Variants in CDK14 observed in about 807,000 individuals in gnomAD.
CDK14 encodes cyclin-dependent kinase 14.
Under a neutral mutation model 60.7 loss-of-function variants are expected in CDK14, and 34 were observed. The observed-to-expected ratio is 0.56, with a 90% CI of 0.43 to 0.75. The LOEUF (loss-of-function observed/expected upper bound fraction) is 0.75. CDK14 is among the 30% of genes least tolerant of loss of function. The pLI is 0.00. For synonymous variants in CDK14, 197 were observed against 203.7 expected (o/e 0.97, Z 0.28); for missense variants, 482 against 564.1 (o/e 0.85, Z 1.47).
intron 3 of CDK14, among the ~76,000 whole-genome samples, chr7:90,740,926 G>A (rs1001459810): frequency 3.9e-5 from 6 of 152,042 alleles, no homozygotes; most frequent in African/African-American, 1.4e-4. Flanking sequence ...TTTCTGGGAG[G>A]TTTTCATTTT....
chr7:90,695,502 G>C (rs575291161), intron 2 of CDK14, among the ~76,000 whole-genome samples: 1 of 152,238 alleles, frequency 6.6e-6, no homozygotes, highest in African/African-American at 2.4e-5. Flanking sequence ...GGAGATTTGA[G>C]ATTGAGCAAA....
chr7:90,711,846 A>G (rs1262912408), intron 2 of CDK14, among the ~76,000 whole-genome samples: 1 of 146,538 alleles, frequency 6.8e-6, no homozygotes, highest in Non-Finnish European at 1.5e-5. Context: ...AGTAAAACAG[A>G]TCTAGTCCTG....
intron 11 of CDK14, among the ~76,000 whole-genome samples, chr7:91,056,957 A>T (rs2116085732): frequency 6.6e-6 from 1 of 152,062 alleles, no homozygotes; most frequent in East Asian, 1.9e-4. Flanking sequence ...TGGTATTTCT[A>T]GTTCCAGATC....
At chr7:90,859,650 A>T (rs1790939676) in intron 5 of CDK14, among the ~76,000 whole-genome samples, 1 of 152,164 alleles carries the variant, frequency 6.6e-6, no homozygotes, top group Non-Finnish European at 1.5e-5. Flanking sequence ...CATCCTTCAC[A>T]TATGCATAGC....
chr7:90,803,127 C>G (rs1270141356), intron 5 of CDK14, among the ~76,000 whole-genome samples: 2 of 149,508 alleles, frequency 1.3e-5, no homozygotes, highest in African/African-American at 4.9e-5. Context: ...CTTGCAGTAT[C>G]TAAGATGTCA....
At chr7:91,091,329 A>G (rs1311667645) in intron 12 of CDK14, among the ~76,000 whole-genome samples, 2 of 143,714 alleles carry the variant, frequency 1.4e-5, no homozygotes, top group African/African-American at 5.1e-5. Context: ...GTATACACAT[A>G]TGTGTATACA....
At chr7:90,846,680 G>A (rs1790480558) in intron 5 of CDK14, among the ~76,000 whole-genome samples, 1 of 152,156 alleles carries the variant, frequency 6.6e-6, no homozygotes, top group Non-Finnish European at 1.5e-5. Flanking sequence ...CAGGGAAATG[G>A]GTAGGTGTGG....
intron 2 of CDK14, among the ~76,000 whole-genome samples, chr7:90,639,883 A>C (rs1044515980): frequency 1.3e-5 from 2 of 152,070 alleles, no homozygotes; most frequent in Non-Finnish European, 2.9e-5. Context: ...CTGCTGTGCT[A>C]GCAATCGGCG....
intron 11 of CDK14, among the ~76,000 whole-genome samples, chr7:91,057,315 A>G (rs1462285875): frequency 1.3e-5 from 2 of 152,158 alleles, no homozygotes; most frequent in East Asian, 1.9e-4. Context: ...GCCCTTTGTC[A>G]GATGAGTAGA....
intron 8 of CDK14, among the ~76,000 whole-genome samples, chr7:90,929,688 A>G (rs574896415): frequency 1.3e-5 from 2 of 152,328 alleles, no homozygotes; most frequent in South Asian, 4.1e-4. Context: ...GAGACAGAAC[A>G]TTTTGTTTGC....
At chr7:90,811,446 C>T (rs1247379937) in intron 5 of CDK14, among the ~76,000 whole-genome samples, 3 of 152,276 alleles carry the variant, frequency 2.0e-5, no homozygotes, top group Admixed American at 1.3e-4. Context: ...CCCTTCCTTA[C>T]ACCTTATACA....
intron 14 of CDK14, among the ~76,000 whole-genome samples, chr7:91,129,291 CTG>C (rs1328643194): frequency 5.9e-5 from 9 of 152,218 alleles, no homozygotes; most frequent in Non-Finnish European, 1.2e-4. Context: ...ACACTCTAAA[CTG>C]TATTCCTGGG....
chr7:91,019,536 G>A (rs920971305), intron 10 of CDK14, among the ~76,000 whole-genome samples: 1 of 152,000 alleles, frequency 6.6e-6, no homozygotes, highest in Non-Finnish European at 1.5e-5. Flanking sequence ...ATATTGACTT[G>A]GGCTTTCTTG....
In CDK14 at chr7:90,660,979, A is replaced by G. The variant is rs554649603; in HGVS notation, c.123+56730A>G. Among the ~76,000 whole-genome samples the G allele has an allele frequency of 2.6e-5, 4 of 152,310 alleles. No homozygotes were observed. The East Asian group carries it at 7.7e-4, about 29-fold the overall frequency. On this transcript the variant is annotated intron_variant, in intron 2 of 14. Transcript: ENST00000380050. ...TGCAAAGCAGTGGCTCCTGAGTCAC[A>G]GGAGGTAGAAACTGACAAAACCATG...
chr7:91,024,587 G>A (rs1277862152), intron 10 of CDK14, among the ~76,000 whole-genome samples: 1 of 152,202 alleles, frequency 6.6e-6, no homozygotes, highest in Non-Finnish European at 1.5e-5. Context: ...GGAGGCAGAG[G>A]TGGCAGTGAG....
intron 4 of CDK14, among the ~76,000 whole-genome samples, chr7:90,785,874 G>A (rs1304480710): frequency 6.6e-6 from 1 of 151,672 alleles, no homozygotes; most frequent in Non-Finnish European, 1.5e-5. Context: ...AGGGCACACA[G>A]ATGTGTGGAC....
intron 14 of CDK14, among the ~76,000 whole-genome samples, chr7:91,136,498 G>A (rs1465994149): frequency 6.6e-6 from 1 of 152,140 alleles, no homozygotes; most frequent in Admixed American, 6.5e-5. Flanking sequence ...ATGGGTATCT[G>A]TGAGTGCCTT....
intron 2 of CDK14, among the ~76,000 whole-genome samples, chr7:90,683,667 G>A (rs1801369966): frequency 6.6e-6 from 1 of 152,210 alleles, no homozygotes; most frequent in South Asian, 2.1e-4. Context: ...TGGGCGTCGT[G>A]GCACATGCCT....
At position 90,963,495 on chromosome 7, in the gene CDK14, T is replaced by C. The variant is rs371433501; in HGVS notation, c.947+7678T>C. ...CATTGGATGTGCACTGGTGCTTTCG[T>C]GTTGTAAGTTGTGTATTTATTCATG... On this transcript the variant is annotated intron_variant, in intron 9 of 14. Transcript: ENST00000380050. Among the ~76,000 whole-genome samples, 20 of 152,204 alleles carry C rather than the reference T, an allele frequency of 1.3e-4. No individual in the cohort carries two copies. The East Asian group carries it at 3.5e-3, about 26-fold the overall frequency.
Sources: gnomAD v4.1 joint callset for allele counts (sites outside exome capture counted in the v4.1 genomes callset) on GRCh38, gnomAD v4.1.1 for gene constraint, MANE v1.5 for transcripts, NCBI Gene and HGNC (gene_info 2026-07-23, HGNC 2026-07-21) for gene names.